Variants in SLIT3 observed in about 807,000 individuals in gnomAD.
The protein encoded by SLIT3 is slit homolog 3 protein.
Under a neutral mutation model 184.0 loss-of-function variants are expected in SLIT3, and 68 were observed. The observed-to-expected ratio is 0.37, with a 90% CI of 0.30 to 0.45. The LOEUF is 0.45. Ranked by LOEUF, SLIT3 falls within the 20% of genes least tolerant of loss-of-function variation. SLIT3 has a pLI of 1.00. For synonymous variants in SLIT3, 831 were observed against 828.6 expected (o/e 1.00, Z -0.05); for missense variants, 1,707 against 2,026.0 (o/e 0.84, Z 3.02).
At chr5:169,248,696 A>G (rs1338807482) in intron 2 of SLIT3, among the ~76,000 whole-genome samples, 1 of 151,962 alleles carries the variant, frequency 6.6e-6, no homozygotes, top group Non-Finnish European at 1.5e-5. Context: ...GCTGGGGTGG[A>G]GTTTAACTTT....
At chr5:168,748,756 C>G (rs1188058346) in intron 19 of SLIT3, among the ~76,000 whole-genome samples, 6 of 152,154 alleles carry the variant, frequency 3.9e-5, no homozygotes, top group African/African-American at 9.7e-5. Context: ...TGTCTTTTCC[C>G]TTCCTCTTTC....
chr5:168,841,106 C>T (rs1300687916), intron 6 of SLIT3, among the ~76,000 whole-genome samples: 1 of 152,256 alleles, frequency 6.6e-6, no homozygotes. Flanking sequence ...CACCACCCTG[C>T]AGCCCACAGC....
chr5:168,785,329 A>G (rs989307030), intron 12 of SLIT3, among the ~76,000 whole-genome samples: 1 of 152,252 alleles, frequency 6.6e-6, no homozygotes, highest in African/African-American at 2.4e-5. Context: ...GACCAGAATG[A>G]AATAAATGCA....
chr5:168,880,133 A>G (rs1031221943), intron 5 of SLIT3, among the ~76,000 whole-genome samples: 1 of 152,140 alleles, frequency 6.6e-6, no homozygotes. Context: ...CTCTCCCAAG[A>G]GACAGCGTGA....
intron 19 of SLIT3, among the ~76,000 whole-genome samples, 168 bp from the exon 20 acceptor site, chr5:168,748,602 T>C (rs1039161228): frequency 5.3e-5 from 8 of 152,190 alleles, no homozygotes; most frequent in African/African-American, 1.9e-4. Flanking sequence ...TTGGCGGGTG[T>C]CGCCTACCTT....
chr5:168,690,138 C>CTTTTT (rs1341234574), intron 29 of SLIT3, among the ~76,000 whole-genome samples: 1 of 138,128 alleles, frequency 7.2e-6, no homozygotes, highest in Non-Finnish European at 1.6e-5. Flanking sequence ...TGTTTTCTTT[C>CTTTTT]TTTTTTTTTT....
chr5:168,843,594 G>T (rs62378542), intron 6 of SLIT3, among the ~76,000 whole-genome samples: 3,901 of 152,208 alleles, frequency 0.026, 68 homozygotes, highest in African/African-American at 0.047. Context: ...GGAAACTGAG[G>T]CTCCCAGAGC....
intron 10 of SLIT3, chr5:168,792,075 T>C (rs1189242377): frequency 2.0e-5 from 3 of 152,230 alleles, no homozygotes; most frequent in Admixed American, 2.0e-4. Context: ...CATAAGTGAC[T>C]GGACACAGCC....
Position 168,673,201 on chromosome 5 carries a change from T to C in SLIT3, c.3817A>G (p.Ile1273Val). The change falls in exon 33 of 36, where the codon ATC (isoleucine) becomes GTC (valine). Residue 1273 changes from isoleucine to valine, a missense_variant. Physicochemically the swap from Ile to Val is conservative, Grantham distance 29. Around this residue, in one of 3 missense-constraint regions of SLIT3, gnomAD observed 387 missense variants for 477.9 expected, o/e 0.81. Coordinates refer to ENST00000519560, the MANE Select transcript of SLIT3 (RefSeq NM_003062.4). ...CCTCCAAGGTAGAGGGGGCTGTTGA[T>C]GCCCACTGCTGGCTGCTTCTGGAGC... ...GKLQKQPAVG[I>V]NSPLYLGGIP... is the part of the protein sequence containing the mutation. 1 of 1,613,836 alleles carries C rather than the reference T, an allele frequency of 6.2e-7. No homozygotes were observed. Among genetic ancestry groups the C allele is most frequent in the Non-Finnish European group, 8.5e-7 (1 of 1,179,912 alleles).
At chr5:168,768,983 AGTT>A (rs1334348267) in intron 14 of SLIT3, among the ~76,000 whole-genome samples, 1 of 152,172 alleles carries the variant, frequency 6.6e-6, no homozygotes, top group African/African-American at 2.4e-5. Flanking sequence ...CTGCAATCAT[AGTT>A]GTTGTTTGAG....
intron 25 of SLIT3, chr5:168,708,557 G>C (rs900381882): frequency 2.8e-5 from 5 of 179,970 alleles, no homozygotes; most frequent in African/African-American, 1.2e-4. Flanking sequence ...GGCACACAGA[G>C]GAAGTCCCCC....
chr5:168,763,857 G>C (rs1268698049), intron 14 of SLIT3, among the ~76,000 whole-genome samples: 1 of 152,174 alleles, frequency 6.6e-6, no homozygotes, highest in East Asian at 1.9e-4. Flanking sequence ...ATGCACGAGT[G>C]GGGTGTCATG....
chr5:169,080,374 C>T (rs1758981406), intron 4 of SLIT3, among the ~76,000 whole-genome samples: 1 of 152,152 alleles, frequency 6.6e-6, no homozygotes, highest in South Asian at 2.1e-4. Flanking sequence ...GGGACTTTTG[C>T]ATAGATCTCA....
At chr5:169,206,425 G>A (rs756816376) in intron 3 of SLIT3, among the ~76,000 whole-genome samples, 1 of 152,088 alleles carries the variant, frequency 6.6e-6, no homozygotes, top group Admixed American at 6.6e-5. Flanking sequence ...CAACCCCTTC[G>A]ACTCACAGGT....
intron 4 of SLIT3, among the ~76,000 whole-genome samples, chr5:169,152,011 A>T (rs1389246349): frequency 6.6e-6 from 1 of 152,210 alleles, no homozygotes; most frequent in Non-Finnish European, 1.5e-5. Context: ...CTTAGCACAA[A>T]ATGAGATCTC....
intron 4 of SLIT3, among the ~76,000 whole-genome samples, chr5:169,103,577 T>C (rs1411616993): frequency 2.0e-5 from 3 of 152,224 alleles, no homozygotes; most frequent in Non-Finnish European, 4.4e-5. Flanking sequence ...CTTTGCAAAA[T>C]GCAGGGATTA....
chr5:169,207,254 T>C lies in SLIT3; in HGVS notation c.342-13704A>G, dbSNP rs1191151345. 2.0e-5 allele frequency among the ~76,000 whole-genome samples: 3 copies of C among 152,154 alleles called. No homozygotes were observed. The East Asian group carries it at 5.8e-4, about 29-fold the overall frequency. ...TCAAACTGAATCCCAGATGTTCACTTACTGAGAAATAAATGAATGGCCCAA... is the reference window on the plus strand; with the variant it reads ...TCAAACTGAATCCCAGATGTTCACTCACTGAGAAATAAATGAATGGCCCAA... On this transcript the variant is annotated intron_variant, in intron 3 of 35. Coordinates refer to ENST00000519560, the MANE Select transcript of SLIT3 (RefSeq NM_003062.4).
At chr5:169,012,322 C>G (rs1756187065) in intron 4 of SLIT3, 1 of 152,206 alleles carries the variant, frequency 6.6e-6, no homozygotes, top group Non-Finnish European at 1.5e-5. Context: ...TGGGACCAGC[C>G]TTGTGTTGGG....
At position 168,752,937 on chromosome 5, in the gene SLIT3, G is replaced by A. The variant is rs780829992; in HGVS notation, c.1973+18C>T. Reference sequence around the variant, plus strand: ...TGGGATCCCAGAGTCCGTGGGCAGTGGACCCAGGAGAACTTACATGGTGGA... The same window carrying A: ...TGGGATCCCAGAGTCCGTGGGCAGTAGACCCAGGAGAACTTACATGGTGGA... On this transcript the variant is annotated intron_variant, in intron 18 of 35. Transcript: ENST00000519560. 1.2e-6 allele frequency: 2 copies of A among 1,613,388 alleles called. No homozygotes were observed. Among genetic ancestry groups the A allele is most frequent in the South Asian group, 2.2e-5 (2 of 90,986 alleles).
Sources: allele counts gnomAD v4.1 joint callset (sites outside exome capture counted in the v4.1 genomes callset), GRCh38; gene constraint gnomAD v4.1.1; regional missense constraint gnomAD v4.1.1; transcripts MANE v1.5; gene names NCBI Gene and HGNC (gene_info 2026-07-23, HGNC 2026-07-21).